Variants in MEGF6 observed in about 807,000 individuals in gnomAD.
The protein encoded by MEGF6 is multiple EGF like domains 6.
MEGF6 carries 184 observed loss-of-function variants against 207.1 expected under a neutral mutation model. The observed-to-expected ratio is 0.89, with a 90% CI of 0.79 to 1.00. MEGF6 has a LOEUF of 1.00. Ranked by LOEUF, MEGF6 falls within the 50% of genes least tolerant of loss-of-function variation. MEGF6 has a pLI of 0.00. For synonymous variants in MEGF6, 1,038 were observed against 910.0 expected (o/e 1.14, Z -2.53); for missense variants, 2,282 against 2,202.9 (o/e 1.04, Z -0.72).
chr1:3,525,098 A>C (rs892661202), intron 4 of MEGF6, among the ~76,000 whole-genome samples: 2 of 152,208 alleles, frequency 1.3e-5, no homozygotes, highest in African/African-American at 4.8e-5. Flanking sequence ...AAACCAATGC[A>C]GCTGGGGTCA....
At chr1:3,557,587 T>C (rs553614288) in intron 4 of MEGF6, among the ~76,000 whole-genome samples, 1 of 152,208 alleles carries the variant, frequency 6.6e-6, no homozygotes, top group East Asian at 1.9e-4. Context: ...CCAATTCCCA[T>C]CAGACCCCGC....
chr1:3,621,372 C>T, the MEGF6 span, among the ~76,000 whole-genome samples: 7 of 152,224 alleles, frequency 4.6e-5, no homozygotes, highest in Non-Finnish European at 7.3e-5. Flanking sequence ...ACAGAAGGCT[C>T]GCACTTGTCT....
At chr1:3,514,853 G>A (rs893919701) in intron 6 of MEGF6, among the ~76,000 whole-genome samples, 181 bp from the exon 7 acceptor site, 3 of 152,188 alleles carry the variant, frequency 2.0e-5, no homozygotes, top group African/African-American at 7.2e-5. Context: ...AAGACGCCGA[G>A]AAGACTCTGC....
At position 3,490,851 on chromosome 1, in the gene MEGF6, C is replaced by G. The variant is rs536726246; in HGVS notation, c.4564+61G>C. Reference sequence around the variant, plus strand: ...GCCCAGATTATACTTAAGCACTCTTCGTTGACTTTGCCATAACCCACCCTC... The same window carrying G: ...GCCCAGATTATACTTAAGCACTCTTGGTTGACTTTGCCATAACCCACCCTC... On this transcript the variant is annotated intron_variant, in intron 36 of 36. Coordinates refer to ENST00000356575, the MANE Select transcript of MEGF6 (RefSeq NM_001409.4). 25 of 1,537,610 alleles carry G rather than the reference C, an allele frequency of 1.6e-5. No homozygotes were observed. The African/African-American group carries it at 1.9e-4, about 12-fold the overall frequency.
At chr1:3,610,804 G>C (rs1644314385) in intron 1 of MEGF6, among the ~76,000 whole-genome samples, 1 of 152,156 alleles carries the variant, frequency 6.6e-6, no homozygotes, top group Non-Finnish European at 1.5e-5. Flanking sequence ...TCTCCCAGCC[G>C]GGCTCTGGGG....
chr1:3,563,527 T>C (rs1643261112), intron 4 of MEGF6, among the ~76,000 whole-genome samples: 1 of 152,166 alleles, frequency 6.6e-6, no homozygotes, highest in Non-Finnish European at 1.5e-5. Context: ...CACCATGGTG[T>C]GGCCAGCCCC....
chr1:3,551,592 G>A (rs1642885367), intron 4 of MEGF6, among the ~76,000 whole-genome samples: 1 of 152,230 alleles, frequency 6.6e-6, no homozygotes. Context: ...ATGCGGTCCA[G>A]CTCCCACCCT....
At chr1:3,529,458 T>C (rs1472102119) in intron 4 of MEGF6, among the ~76,000 whole-genome samples, 2 of 152,150 alleles carry the variant, frequency 1.3e-5, no homozygotes, top group Middle Eastern at 3.2e-3. Context: ...GACATGAACC[T>C]GGGGGGAGCC....
chr1:3,510,258 G>A (rs1641288784), intron 10 of MEGF6, among the ~76,000 whole-genome samples: 1 of 152,160 alleles, frequency 6.6e-6, no homozygotes, highest in Admixed American at 6.5e-5. Flanking sequence ...AGGGGGACAG[G>A]CCCAGCTCCA....
chr1:3,491,025 C>G, intron 35 of MEGF6, 66 bp from the exon 36 acceptor site: 1 of 1,460,354 alleles, frequency 6.8e-7, no homozygotes, highest in Admixed American at 2.3e-5. Context: ...GTAATGGCAG[C>G]AAGGCGTGAC....
At chr1:3,554,768 G>C (rs1642986255) in intron 4 of MEGF6, among the ~76,000 whole-genome samples, 1 of 152,182 alleles carries the variant, frequency 6.6e-6, no homozygotes, top group Non-Finnish European at 1.5e-5. Context: ...GGTCCACCTG[G>C]GCAACCCAGG....
intron 29 of MEGF6, 115 bp downstream of exon 29, chr1:3,496,540 A>G: frequency 6.9e-7 from 1 of 1,454,532 alleles, no homozygotes; most frequent in Non-Finnish European, 9.3e-7. Flanking sequence ...GCCCAGCCAG[A>G]GGGGGCTGAA....
intron 26 of MEGF6, among the ~76,000 whole-genome samples, chr1:3,497,878 G>C (rs886086430): frequency 5.9e-5 from 9 of 152,188 alleles, no homozygotes; most frequent in Admixed American, 2.6e-4. Flanking sequence ...TCGTGTTAGG[G>C]GCTTGGGTGG....
chr1:3,543,804 C>T (rs996732184), intron 4 of MEGF6, among the ~76,000 whole-genome samples: 3 of 152,202 alleles, frequency 2.0e-5, no homozygotes, highest in South Asian at 2.1e-4. Flanking sequence ...GGATACGGGT[C>T]GAGGCCCGGG....
chr1:3,618,657 T>C, the MEGF6 span, among the ~76,000 whole-genome samples: 3 of 152,160 alleles, frequency 2.0e-5, no homozygotes, highest in Non-Finnish European at 2.9e-5. The surrounding 1 kb of genome is among the most constrained non-coding windows in gnomAD (Gnocchi z 4.7). Context: ...GCTTCTGTCA[T>C]GACTTGCCAA....
At chr1:3,586,246 A>G (rs1643892867) in intron 3 of MEGF6, among the ~76,000 whole-genome samples, 1 of 152,222 alleles carries the variant, frequency 6.6e-6, no homozygotes, top group Admixed American at 6.5e-5. Flanking sequence ...GCGAGGAGAC[A>G]TGTCCTGTGC....
intron 21 of MEGF6, 133 bp downstream of exon 21, chr1:3,500,500 G>A (rs1025476354): frequency 7.7e-7 from 1 of 1,302,562 alleles, no homozygotes; most frequent in African/African-American, 1.5e-5. Flanking sequence ...CACAGGAGGG[G>A]GCGCGGCCAA....
chr1:3,522,303 C>A (rs1037589426), intron 5 of MEGF6, among the ~76,000 whole-genome samples: 17 of 152,146 alleles, frequency 1.1e-4, no homozygotes, highest in African/African-American at 4.1e-4. Flanking sequence ...AGGAGCCGGG[C>A]ACCAGCCCTG....
At chr1:3,592,082 G>A (rs1643988671) in intron 3 of MEGF6, among the ~76,000 whole-genome samples, 1 of 152,184 alleles carries the variant, frequency 6.6e-6, no homozygotes, top group South Asian at 2.1e-4. Context: ...GCCCTGCCAG[G>A]GCACTACTGT....
Sources: gnomAD v4.1 joint callset for allele counts (sites outside exome capture counted in the v4.1 genomes callset) on GRCh38, gnomAD v4.1.1 for gene constraint, Gnocchi (gnomAD v3.1) non-coding constraint, MANE v1.5 for transcripts, NCBI Gene and HGNC (gene_info 2026-07-23, HGNC 2026-07-21) for gene names.